The following DNAH9 variants were observed in gnomAD, a reference collection of about 807,000 sequenced individuals.
The protein encoded by DNAH9 is dynein axonemal heavy chain 9.
DNAH9 carries 345 observed loss-of-function variants against 471.6 expected under a neutral mutation model. The ratio of observed to expected loss-of-function variants is 0.73; its 90% CI spans 0.67 to 0.80. DNAH9 has a LOEUF of 0.80. Ranked by LOEUF, DNAH9 falls within the 30% of genes least tolerant of loss-of-function variation. DNAH9 has a pLI of 0.00. For synonymous variants in DNAH9, 2,093 were observed against 2,123.6 expected (o/e 0.99, Z 0.40); for missense variants, 5,407 against 5,609.2 (o/e 0.96, Z 1.15).
At chr17:11,891,006 ATTGT>A (rs546878959) in intron 57 of DNAH9, among the ~76,000 whole-genome samples, 303 of 152,274 alleles carry the variant, frequency 2.0e-3, no homozygotes, top group African/African-American at 6.8e-3. Context: ...ATTTTCTTTA[ATTGT>A]TTGTTCTATT....
At chr17:11,607,268 C>T (rs1400349912) in intron 1 of DNAH9, among the ~76,000 whole-genome samples, 2 of 152,134 alleles carry the variant, frequency 1.3e-5, no homozygotes, top group Non-Finnish European at 2.9e-5. Context: ...ATACAACACC[C>T]AACATAGGAC....
At chr17:11,941,585 C>T (rs969423686) in intron 66 of DNAH9, among the ~76,000 whole-genome samples, 6 of 152,050 alleles carry the variant, frequency 3.9e-5, no homozygotes, top group African/African-American at 1.4e-4. Flanking sequence ...GGAAAAGAAT[C>T]GTGGGGTACA....
intron 30 of DNAH9, 128 bp from the exon 31 acceptor site, chr17:11,744,669 C>A: frequency 1.3e-6 from 1 of 771,088 alleles, no homozygotes; most frequent in Non-Finnish European, 2.1e-6. Context: ...CTAAGTCATC[C>A]CTTCCCACGT....
At chr17:11,702,236 T>C (rs1262780807) in intron 24 of DNAH9, among the ~76,000 whole-genome samples, 1 of 152,204 alleles carries the variant, frequency 6.6e-6, no homozygotes, top group African/African-American at 2.4e-5. Context: ...TGGAAGCCAG[T>C]TTCTGTAGAC....
Position 11,694,138 on chromosome 17 carries a change from G to A in DNAH9, c.4745+140G>A, listed in dbSNP as rs971933316. 1.2e-4 allele frequency: 153 copies of A among 1,269,830 alleles called. No individual in the cohort carries two copies. The East Asian group carries it at 2.3e-3, about 19-fold the overall frequency. 78.7% of individuals were successfully genotyped at this position (1,269,830 alleles called of 1,614,324 possible). ...TGCCTGTGTGTTTGGGTAGCATGGG[G>A]CATTATTAGAGGTGTTGACGCCAAG... On this transcript the variant is annotated intron_variant, in intron 21 of 68. Transcript: ENST00000262442.
chr17:11,962,218 C>G lies in DNAH9; in HGVS notation c.13195C>G (p.His4399Asp), dbSNP rs768820498. ...TCCTCCTCGGGAAGGGGCCTACATC[C>G]ATGGCCTCTTCATGGAAGGTGCCTG... ...RSPPREGAYIHGLFMEGACWD... is the reference protein window; with the variant it reads ...RSPPREGAYIDGLFMEGACWD... The change falls in exon 68 of 69, where the codon CAT becomes GAT. Residue 4399 changes from histidine (H) to aspartate (D), a missense_variant. By Grantham distance (81) the His-to-Asp change is moderately conservative. Around this residue, in one of 3 missense-constraint regions of DNAH9, gnomAD observed 4,636 missense variants for 4,900.3 expected, o/e 0.95. Coordinates refer to ENST00000262442, the MANE Select transcript of DNAH9 (RefSeq NM_001372.4). This position sits in a 1 kb window ranked among gnomAD's most constrained non-coding sequence, Gnocchi z 4.1. 6.2e-7 allele frequency: 1 copy of G among 1,612,778 alleles called. No homozygotes were observed. The highest frequency in any genetic ancestry group is 8.5e-7 in the Non-Finnish European group (1 of 1,179,478).
In DNAH9 at chr17:11,960,504, A is replaced by G. The variant is rs1383928057; in HGVS notation, c.12844-1363A>G. ...TGCGGAGGCTCATGCCTGTAATCCC[A>G]TCAATTCTGGAGATTGAGGTGGGCA... On this transcript the variant is annotated intron_variant, in intron 67 of 68. Transcript: ENST00000262442. 1.4e-5 allele frequency among the ~76,000 whole-genome samples: 2 copies of G among 147,874 alleles called. 1 individual carries two copies. Among genetic ancestry groups the G allele is most frequent in the Non-Finnish European group, 3.0e-5 (2 of 67,448 alleles).
At chr17:11,607,825 C>T (rs1015734215) in intron 1 of DNAH9, among the ~76,000 whole-genome samples, 3 of 152,266 alleles carry the variant, frequency 2.0e-5, no homozygotes, top group Non-Finnish European at 4.4e-5. Context: ...CTGCCTCAGC[C>T]TCCCAAAGTG....
chr17:11,851,711 A>G (rs572541823), intron 49 of DNAH9, among the ~76,000 whole-genome samples: 2 of 152,082 alleles, frequency 1.3e-5, no homozygotes, highest in Admixed American at 6.6e-5. Context: ...ATGGGATTCC[A>G]CTCATCATAC....
chr17:11,901,090 G>A (rs1273867317), intron 59 of DNAH9, among the ~76,000 whole-genome samples: 1 of 152,184 alleles, frequency 6.6e-6, no homozygotes, highest in Non-Finnish European at 1.5e-5. Context: ...GCTTGAGAGT[G>A]CCAGAAAAGG....
chr17:11,948,082 A>G (rs1237190698), intron 67 of DNAH9, among the ~76,000 whole-genome samples: 3 of 151,560 alleles, frequency 2.0e-5, no homozygotes, highest in African/African-American at 7.3e-5. Flanking sequence ...GATTTTTATC[A>G]TTCAAACGTG....
At chr17:11,954,839 G>T (rs983184548) in intron 67 of DNAH9, among the ~76,000 whole-genome samples, 1 of 151,384 alleles carries the variant, frequency 6.6e-6, no homozygotes, top group African/African-American at 2.4e-5. Context: ...ATGGAAATTT[G>T]GATCTAAACA....
chr17:11,797,452 G>T, intron 42 of DNAH9, 145 bp from the exon 43 acceptor site: 1 of 614,328 alleles, frequency 1.6e-6, no homozygotes, highest in Non-Finnish European at 2.8e-6. Flanking sequence ...CCACTTAAAA[G>T]GGCTTCTCAA....
At chr17:11,750,885 G>A (rs1232577297) in intron 32 of DNAH9, among the ~76,000 whole-genome samples, 1 of 151,942 alleles carries the variant, frequency 6.6e-6, no homozygotes, top group Non-Finnish European at 1.5e-5. Flanking sequence ...TGACGGAAAA[G>A]GAACTGATAA....
At chr17:11,889,405 G>A (rs1453868742) in intron 57 of DNAH9, among the ~76,000 whole-genome samples, 10 of 152,202 alleles carry the variant, frequency 6.6e-5, no homozygotes, top group Admixed American at 6.5e-4. Context: ...TCCAAATTAT[G>A]GCTTCTCATG....
At chr17:11,900,364 G>A (rs997183081) in intron 59 of DNAH9, among the ~76,000 whole-genome samples, 4 of 151,840 alleles carry the variant, frequency 2.6e-5, no homozygotes, top group East Asian at 1.9e-4. Context: ...TGCAAGCCCC[G>A]GTCACATGCC....
chr17:11,640,286 C>A lies in DNAH9; in HGVS notation c.1803C>A (p.His601Gln), dbSNP rs866453508. 8.1e-6 allele frequency: 13 copies of A among 1,613,154 alleles called. No homozygotes were observed. Among genetic ancestry groups the A allele is most frequent in the Middle Eastern group, 1.6e-4 (1 of 6,078 alleles). The change falls in exon 10 of 69, where the codon CAC (histidine) becomes CAA (glutamine). Residue 601 changes from histidine to glutamine, a missense_variant. This residue lies in a region of DNAH9 where 4,636 missense variants were observed against 4,900.3 expected (regional missense o/e 0.95). Transcript: ENST00000262442. The stretch of plus-strand genomic sequence containing the variant: ...TGTCTCCAGGGTTCTCCCCGGTGCA[C>A]AAGAACATGCCCACCGTGGCTGGCG... Reference protein sequence around the residue: ...EEAELGFSPVHKNMPTVAGGL... With the variant: ...EEAELGFSPVQKNMPTVAGGL...
At position 11,732,811 on chromosome 17, in the gene DNAH9, T is replaced by C. The variant is rs144022096; in HGVS notation, c.5814+4889T>C. Among the ~76,000 whole-genome samples, 12 of 152,296 alleles carry C rather than the reference T, an allele frequency of 7.9e-5. No individual in the cohort carries two copies. In the East Asian group the frequency reaches 2.3e-3, roughly 30 times the overall value. On this transcript the variant is annotated intron_variant, in intron 28 of 68. Coordinates refer to ENST00000262442, the MANE Select transcript of DNAH9 (RefSeq NM_001372.4). ...CAATGCCCTGTTCCCCTCCATGCCC[T>C]GTGGCCAGGCCTTCCTGGCACTTTC...
chr17:11,808,283 G>A (rs1038256320), intron 44 of DNAH9, among the ~76,000 whole-genome samples: 8 of 152,170 alleles, frequency 5.3e-5, no homozygotes, highest in Admixed American at 1.3e-4. Context: ...GTAACCACTG[G>A]CCTCTGGGAC....
Sources: gnomAD v4.1 joint callset for allele counts (sites outside exome capture counted in the v4.1 genomes callset) on GRCh38, gnomAD v4.1.1 for gene constraint, gnomAD v4.1.1 regional missense constraint, Gnocchi (gnomAD v3.1) non-coding constraint, MANE v1.5 for transcripts, NCBI Gene and HGNC (gene_info 2026-07-23, HGNC 2026-07-21) for gene names.